The following GLIS3 variants were observed in gnomAD, a reference collection of about 807,000 sequenced individuals.
GLIS3 encodes zinc finger protein GLIS3.
GLIS3 carries 53 observed loss-of-function variants against 78.6 expected under a neutral mutation model. The observed-to-expected ratio is 0.67, with a 90% confidence interval of 0.54 to 0.85. GLIS3 has a LOEUF of 0.85. GLIS3 is among the 40% of genes least tolerant of loss of function. The pLI is 0.00. For missense variants in GLIS3, 1,703 were observed against 1,231.1 expected, an observed-to-expected ratio of 1.38 and a Z score of -5.74; for synonymous variants, 684 against 509.9, an observed-to-expected ratio of 1.34 and a Z score of -4.60.
intron 2 of GLIS3, among the ~76,000 whole-genome samples, chr9:4,242,730 T>A (rs1041719206): frequency 6.6e-6 from 1 of 152,192 alleles, no homozygotes; most frequent in African/African-American, 2.4e-5. Context: ...GTGTGCTGTA[T>A]AATTACACCC....
intron 2 of GLIS3, among the ~76,000 whole-genome samples, chr9:4,254,730 C>T (rs535568176): frequency 6.6e-6 from 1 of 151,718 alleles, no homozygotes; most frequent in East Asian, 1.9e-4. Context: ...ATCCCAGCTA[C>T]TCGGGAGGCT....
chr9:4,332,788 C>G (rs932054605), intron 2 of GLIS3, among the ~76,000 whole-genome samples: 1 of 152,312 alleles, frequency 6.6e-6, no homozygotes, highest in African/African-American at 2.4e-5. Context: ...AGGTGTTCCT[C>G]TACACATCTA....
chr9:3,832,489 C>CTAA (rs1818106814), intron 9 of GLIS3, among the ~76,000 whole-genome samples: 2 of 152,154 alleles, frequency 1.3e-5, no homozygotes, highest in Admixed American at 6.5e-5. Flanking sequence ...CAATCCTGCA[C>CTAA]TAATTGACAC....
At chr9:4,092,834 C>T (rs964667202) in intron 4 of GLIS3, among the ~76,000 whole-genome samples, 3 of 152,164 alleles carry the variant, frequency 2.0e-5, no homozygotes, top group East Asian at 1.9e-4. Context: ...ATACATAAAA[C>T]AGCAACACAG....
Position 3,879,546 on chromosome 9 carries a change from C to T in GLIS3, c.2178G>A (p.Gly726=). 1 of 1,613,994 alleles carries T rather than the reference C, an allele frequency of 6.2e-7. No homozygotes were observed. The highest frequency in any genetic ancestry group is 8.5e-7 in the Non-Finnish European group (1 of 1,179,976). The part of the protein sequence containing the change: ...NYSSRSGTAA[G]AVPPPHPVSH... ...TGACAGGATGTGGGGGTGGTACGGC[C>T]CCAGCAGCTGTTCCACTTCGGCTTG... Residue 726 remains glycine, a synonymous_variant, in exon 8 of 11, where the codon GGG becomes GGA. Transcript: ENST00000381971.
At position 4,247,022 on chromosome 9, in the gene GLIS3, A is replaced by C. The variant is rs150976197; in HGVS notation, c.388+39016T>G. On this transcript the variant is annotated intron_variant, in intron 2 of 10. Transcript: ENST00000381971. ...TGAATTGTCTGTTCCACATTTTTTC[A>C]CTAGAACAACTGAGTTTTTAAACCA... 9.2e-5 allele frequency among the ~76,000 whole-genome samples: 14 copies of C among 152,274 alleles called. No individual in the cohort carries two copies. The East Asian group carries it at 2.7e-3, about 29-fold the overall frequency.
the GLIS3 span, among the ~76,000 whole-genome samples, chr9:4,405,666 C>G: frequency 3.8e-4 from 58 of 152,098 alleles, no homozygotes; most frequent in Admixed American, 2.9e-3. Context: ...TAATAGCAAC[C>G]CTACTCAAAC....
the GLIS3 span, among the ~76,000 whole-genome samples, chr9:4,382,870 C>G: frequency 6.6e-6 from 1 of 152,118 alleles, no homozygotes; most frequent in East Asian, 1.9e-4. Flanking sequence ...AGGGAAGATT[C>G]CCAGGAAGAC....
At chr9:3,931,821 TC>T (rs1422973477) in intron 6 of GLIS3, among the ~76,000 whole-genome samples, 7 of 152,228 alleles carry the variant, frequency 4.6e-5, no homozygotes, top group Admixed American at 6.5e-5. Flanking sequence ...TAAGTTCAAT[TC>T]CTTTTTCAGA....
intron 2 of GLIS3, among the ~76,000 whole-genome samples, chr9:4,187,869 T>C (rs530034030): frequency 3.3e-5 from 5 of 152,262 alleles, no homozygotes; most frequent in African/African-American, 1.2e-4. Context: ...TTTGCTGAAG[T>C]TGCTTATCAG....
intron 2 of GLIS3, among the ~76,000 whole-genome samples, chr9:4,127,374 T>C (rs1203051354): frequency 3.9e-5 from 6 of 152,212 alleles, no homozygotes; most frequent in Admixed American, 3.9e-4. Context: ...AAGAAATTTC[T>C]CTGATTTTCT....
chr9:4,092,424 T>C (rs1436222303), intron 4 of GLIS3, among the ~76,000 whole-genome samples: 1 of 152,220 alleles, frequency 6.6e-6, no homozygotes, highest in African/African-American at 2.4e-5. Flanking sequence ...TAAACTTTAT[T>C]TTTTGTTTGA....
rs79631702 is a variant in GLIS3 at position 4,009,996 on chromosome 9, C to T, written c.1711-72807G>A. Among the ~76,000 whole-genome samples, 1,123 of 152,296 alleles carry T rather than the reference C, an allele frequency of 7.4e-3. 16 individuals are homozygous for T. Among genetic ancestry groups the T allele is most frequent in the East Asian group, 0.037 (192 of 5,180 alleles). ...GTGGAGCATGGGGTCTCTACGTCAG[C>T]ACTGTTGACATTTTGGGTTAAATAA... On this transcript the variant is annotated intron_variant, in intron 4 of 10. Coordinates refer to ENST00000381971, the MANE Select transcript of GLIS3 (RefSeq NM_001042413.2).
rs1031035397 is a variant in GLIS3 at position 3,913,100 on chromosome 9, G to A, written c.1984-14265C>T. ...TTGTCTTCCCTTGAATTGGTTTCTC[G>A]CTACAGCCCCTGCCTATGTTACAGC... On this transcript the variant is annotated intron_variant, in intron 6 of 10. Coordinates refer to ENST00000381971, the MANE Select transcript of GLIS3 (RefSeq NM_001042413.2). Among the ~76,000 whole-genome samples, 5 of 152,028 alleles carry A rather than the reference G, an allele frequency of 3.3e-5. No individual in the cohort carries two copies. In the East Asian group the frequency reaches 7.7e-4, roughly 23 times the overall value.
the GLIS3 span, among the ~76,000 whole-genome samples, chr9:4,373,942 A>G: frequency 6.6e-6 from 1 of 152,174 alleles, no homozygotes; most frequent in Non-Finnish European, 1.5e-5. Context: ...CTGGGATTAC[A>G]GGTGTGAGCC....
intron 4 of GLIS3, among the ~76,000 whole-genome samples, chr9:3,946,515 A>C (rs1487248801): frequency 1.3e-5 from 2 of 152,232 alleles, no homozygotes; most frequent in African/African-American, 4.8e-5. Context: ...TTAGATGCTG[A>C]ATTTTCATGT....
Position 4,217,022 on chromosome 9 carries a change from G to A in GLIS3, c.388+69016C>T, listed in dbSNP as rs190429110. Among the ~76,000 whole-genome samples the A allele has an allele frequency of 3.5e-3, 534 of 152,260 alleles. 1 individual carries two copies. The highest frequency in any genetic ancestry group is 0.012 in the African/African-American group (517 of 41,544). On this transcript the variant is annotated intron_variant, in intron 2 of 10. Transcript: ENST00000381971. ...GGATTCAGCTGCTACCAGGACTTGT[G>A]GTTCTGTAAAATCCAAGAGTCATGG...
At chr9:4,102,187 C>A (rs1830418958) in intron 4 of GLIS3, among the ~76,000 whole-genome samples, 1 of 152,074 alleles carries the variant, frequency 6.6e-6, no homozygotes, top group African/African-American at 2.4e-5. Flanking sequence ...TAAGAAAACC[C>A]CAGGGTCAAC....
chr9:4,224,870 A>G (rs1821636375), intron 2 of GLIS3, among the ~76,000 whole-genome samples: 2 of 152,110 alleles, frequency 1.3e-5, no homozygotes, highest in African/African-American at 2.4e-5. Context: ...CACTGTCAAT[A>G]TACCAACCAA....
Sources: allele counts gnomAD v4.1 joint callset (sites outside exome capture counted in the v4.1 genomes callset), GRCh38; gene constraint gnomAD v4.1.1; transcripts MANE v1.5; gene names NCBI Gene and HGNC (gene_info 2026-07-23, HGNC 2026-07-21).